The following MIS18A variants were observed in gnomAD, a reference collection of about 807,000 sequenced individuals.
The protein encoded by MIS18A is protein Mis18-alpha.
A neutral mutation model predicts 25.0 loss-of-function variants in MIS18A; 14 were observed. The observed-to-expected ratio is 0.56, with a 90% CI of 0.37 to 0.88. The LOEUF is 0.88. MIS18A is among the 40% of genes least tolerant of loss of function. The pLI, the probability that MIS18A is intolerant of heterozygous loss-of-function variation, is 0.00. For missense variants in MIS18A, 292 were observed against 290.8 expected, an observed-to-expected ratio of 1.00 and a Z score of -0.03; for synonymous variants, 134 against 118.6, an observed-to-expected ratio of 1.13 and a Z score of -0.84.
the MIS18A span, among the ~76,000 whole-genome samples, chr21:32,160,583 G>T: frequency 6.6e-6 from 1 of 151,712 alleles, no homozygotes; most frequent in Non-Finnish European, 1.5e-5. Context: ...GGTCCGGAAA[G>T]GTGGGACAAC....
At chr21:32,208,457 C>A in the MIS18A span, among the ~76,000 whole-genome samples, 2 of 152,176 alleles carry the variant, frequency 1.3e-5, no homozygotes, top group Non-Finnish European at 2.9e-5. Context: ...GAGGTGCCTG[C>A]TCCCCCTTCA....
At chr21:32,239,870 GA>G in the MIS18A span, among the ~76,000 whole-genome samples, 33 of 152,236 alleles carry the variant, frequency 2.2e-4, no homozygotes, top group Admixed American at 2.2e-3. Context: ...TTCCTAAGGA[GA>G]AAATCTTTGG....
At chr21:32,252,277 GGAGGAA>G in the MIS18A span, among the ~76,000 whole-genome samples, 1,653 of 141,228 alleles carry the variant, frequency 0.012, 35 homozygotes, top group African/African-American at 0.042. Context: ...AGGAGGAGGA[GGAGGAA>G]GAGAGAAGAG....
At chr21:32,221,295 T>C in the MIS18A span, among the ~76,000 whole-genome samples, 1 of 152,072 alleles carries the variant, frequency 6.6e-6, no homozygotes, top group Non-Finnish European at 1.5e-5. Context: ...AAAGAAACCC[T>C]ACAAGCCAGA....
At chr21:32,201,191 G>A in the MIS18A span, among the ~76,000 whole-genome samples, 1 of 151,972 alleles carries the variant, frequency 6.6e-6, no homozygotes, top group Non-Finnish European at 1.5e-5. Context: ...GAGCTCACAT[G>A]AACTCATTGC....
chr21:32,227,402 A>AG, the MIS18A span, among the ~76,000 whole-genome samples: 4 of 152,136 alleles, frequency 2.6e-5, no homozygotes, highest in Non-Finnish European at 5.9e-5. Context: ...CAGAAAAAAA[A>AG]AATAGGATTA....
At chr21:32,218,978 A>C in the MIS18A span, among the ~76,000 whole-genome samples, 1 of 151,734 alleles carries the variant, frequency 6.6e-6, no homozygotes, top group Non-Finnish European at 1.5e-5. Context: ...TGAGGCAAGA[A>C]AATTGCTCGA....
chr21:32,189,487 C>T, the MIS18A span, among the ~76,000 whole-genome samples: 1 of 152,172 alleles, frequency 6.6e-6, no homozygotes, highest in African/African-American at 2.4e-5. Context: ...CCATGTTGCC[C>T]AGGCTGGGCT....
chr21:32,211,074 T>C, the MIS18A span, among the ~76,000 whole-genome samples: 3 of 152,202 alleles, frequency 2.0e-5, no homozygotes, highest in African/African-American at 7.2e-5. Flanking sequence ...GGAGTCTTGC[T>C]CTGTCGCCCA....
chr21:32,238,224 T>C, the MIS18A span, among the ~76,000 whole-genome samples: 6 of 152,222 alleles, frequency 3.9e-5, no homozygotes, highest in African/African-American at 1.4e-4. Context: ...GAAGGCAAAT[T>C]TCTTGTAAGA....
At chr21:32,255,965 C>T in the MIS18A span, among the ~76,000 whole-genome samples, 1 of 152,074 alleles carries the variant, frequency 6.6e-6, no homozygotes, top group African/African-American at 2.4e-5. Context: ...CAGCCATTTC[C>T]ATCTATTTTA....
At chr21:32,276,952 C>A (rs1263095999) in intron 1 of MIS18A, among the ~76,000 whole-genome samples, 3 of 152,012 alleles carry the variant, frequency 2.0e-5, no homozygotes, top group Non-Finnish European at 2.9e-5. Flanking sequence ...TAAAAAAAAA[C>A]CTATTAAATA....
the MIS18A span, among the ~76,000 whole-genome samples, chr21:32,226,739 T>C: frequency 6.6e-6 from 1 of 152,196 alleles, no homozygotes. Context: ...TGAACAGTAC[T>C]ATGAACCAAC....
At chr21:32,159,608 C>T in the MIS18A span, among the ~76,000 whole-genome samples, 1 of 152,190 alleles carries the variant, frequency 6.6e-6, no homozygotes, top group East Asian at 1.9e-4. Flanking sequence ...ACACAGCTCT[C>T]AGCGGGGCCT....
chr21:32,278,778 C>G lies in MIS18A; in HGVS notation c.237G>C (p.Arg79Ser). ...LEEEAAAAEE[R>S]PLVFLCSGCR... ...AGCCGGAGCACAGGAACACCAGCGG[C>G]CTCTCCTCCGCAGCCGCCGCCTCCT... The change falls in exon 1 of 5, where the codon AGG (arginine) becomes AGC (serine). Residue 79 changes from arginine to serine, a missense_variant. Physicochemically the swap from Arg to Ser is moderately radical, Grantham distance 110. Coordinates refer to ENST00000290130, the MANE Select transcript of MIS18A (RefSeq NM_018944.3). 6.3e-7 allele frequency: 1 copy of G among 1,580,748 alleles called. No homozygotes were observed. Among genetic ancestry groups the G allele is most frequent in the Non-Finnish European group, 8.6e-7 (1 of 1,168,426 alleles).
the MIS18A span, among the ~76,000 whole-genome samples, chr21:32,179,979 G>A: frequency 6.6e-6 from 1 of 152,296 alleles, no homozygotes; most frequent in South Asian, 2.1e-4. Context: ...CAGGAACACA[G>A]GTAGAATACC....
the MIS18A span, among the ~76,000 whole-genome samples, chr21:32,246,105 T>G: frequency 6.6e-6 from 1 of 152,186 alleles, no homozygotes; most frequent in Non-Finnish European, 1.5e-5. Flanking sequence ...GGACTCGCTC[T>G]GGTGAGGACA....
chr21:32,270,623 C>G (rs2031696955), intron 2 of MIS18A, 94 bp from the exon 3 acceptor site: 4 of 1,358,254 alleles, frequency 2.9e-6, no homozygotes, highest in Non-Finnish European at 3.9e-6. Context: ...CTCAGTTTCT[C>G]AAGTATGCTA....
At chr21:32,207,626 C>G in the MIS18A span, among the ~76,000 whole-genome samples, 1 of 152,082 alleles carries the variant, frequency 6.6e-6, no homozygotes, top group Non-Finnish European at 1.5e-5. Context: ...CAGTTCAACA[C>G]TGGCATAAAT....
Sources: gnomAD v4.1 joint callset for allele counts (sites outside exome capture counted in the v4.1 genomes callset) on GRCh38, gnomAD v4.1.1 for gene constraint, MANE v1.5 for transcripts, NCBI Gene and HGNC (gene_info 2026-07-23, HGNC 2026-07-21) for gene names.